Variants in MTCH1 observed in about 807,000 individuals in gnomAD.
The protein encoded by MTCH1 is mitochondrial carrier 1.
Under a neutral mutation model 49.3 loss-of-function variants are expected in MTCH1, and 23 were observed. That is an observed-to-expected ratio of 0.47 (90% CI 0.34 to 0.66). The LOEUF is 0.66. Among genes scored for constraint, MTCH1 ranks in the 30% least tolerant of loss-of-function variants. The pLI, the probability that MTCH1 is intolerant of heterozygous loss-of-function variation, is 0.01. For synonymous variants in MTCH1, 229 were observed against 215.2 expected, an observed-to-expected ratio of 1.06 and a Z score of -0.56; for missense variants, 397 against 532.1, an observed-to-expected ratio of 0.75 and a Z score of 2.50.
At chr6:36,975,629 C>A in intron 7 of MTCH1, 29 bp downstream of exon 7, 2 of 1,610,466 alleles carry the variant, frequency 1.2e-6, no homozygotes, top group Non-Finnish European at 1.7e-6. Flanking sequence ...ATGCCCGTGG[C>A]CAGTTATGGG....
In MTCH1 at chr6:36,968,921, T is replaced by C. The variant is rs11548576; in HGVS notation, c.1152A>G (p.Ser384=). 0.055 allele frequency: 88,063 copies of C among 1,613,902 alleles called. 3,290 individuals carry two copies. Among genetic ancestry groups the C allele is most frequent in the African/African-American group, 0.15 (11,075 of 74,966 alleles). ...SLLFRRVSSG[S]CFALE ...ATTCAGGTTACTCCAGGGCAAAGCA[T>C]GATCCTGATGACACCCGGCGGAAAA... is the stretch of plus-strand genomic sequence containing the variant. Residue 384 remains serine, a synonymous_variant, in exon 12 of 12, where the codon TCA becomes TCG. Transcript: ENST00000373627.
chr6:36,976,632 C>T, intron 6 of MTCH1: 1 of 469,130 alleles, frequency 2.1e-6, no homozygotes, highest in Non-Finnish European at 4.4e-6. Context: ...AAATGAGAAT[C>T]TTAAGAGAGG....
Position 36,981,637 on chromosome 6 carries a change from G to A in MTCH1, c.357C>T (p.Thr119=). Residue 119 remains threonine (T), a synonymous_variant, in exon 2 of 12, where the codon ACC becomes ACT. Transcript: ENST00000373627. ...GHEPMPPTLG[T]NVLGRKVLYL... ...AGAGGACCTTCCTCCCCAGCACATT[G>A]GTCCCAAGGGTGGGGGGCATCGGCT... 6.2e-7 allele frequency: 1 copy of A among 1,613,808 alleles called. No individual in the cohort carries two copies. Among genetic ancestry groups the A allele is most frequent in the East Asian group, 2.2e-5 (1 of 44,838 alleles).
In MTCH1 at chr6:36,986,087, G is replaced by A. The variant is rs530592565; in HGVS notation, c.87C>T (p.Arg29=). ...MAGAGAGAGA[R]GGAAAGVEAR... ...CCTCGACCCCCGCCGCCGCTCCGCC[G>A]CGAGCTCCGGCTCCAGCTCCGGCTC... is the stretch of plus-strand genomic sequence containing the variant. Residue 29 remains arginine (R), a synonymous_variant, in exon 1 of 12, where the codon CGC becomes CGT. Transcript: ENST00000373627. The A allele has an allele frequency of 2.1e-6, 3 of 1,431,180 alleles. No individual in the cohort carries two copies. The highest frequency in any genetic ancestry group is 1.5e-5 in the African/African-American group (1 of 66,654). The allele number at this position is 1,431,180 out of a possible 1,614,324, so 88.7% of individuals were successfully genotyped here.
At chr6:36,976,923 G>T (rs1246974878) in intron 6 of MTCH1, among the ~76,000 whole-genome samples, 1 of 152,198 alleles carries the variant, frequency 6.6e-6, no homozygotes, top group Admixed American at 6.5e-5. Context: ...CAGCTCTGGG[G>T]CCAGAAATCC....
Position 36,985,944 on chromosome 6 carries a change from T to C in MTCH1, c.230A>G (p.Asn77Ser). 1.9e-6 allele frequency: 3 copies of C among 1,551,714 alleles called. No individual in the cohort carries two copies. Among genetic ancestry groups the C allele is most frequent in the East Asian group, 2.4e-5 (1 of 41,156 alleles). The change falls in exon 1 of 12, where the codon AAC becomes AGC. Residue 77 changes from asparagine (N) to serine (S), a missense_variant. Asn to Ser is a conservative substitution (Grantham distance 46, BLOSUM62 1). This residue lies in a region of MTCH1 where 145 missense variants were observed against 143.8 expected (regional missense o/e 1.01). Transcript: ENST00000373627. ...GAAAAGAGCCTCAGTGGTCGGGGCGTTGTCCCCAGACCCCAGGCCCCCTGA... is the reference window on the plus strand; with the variant it reads ...GAAAAGAGCCTCAGTGGTCGGGGCGCTGTCCCCAGACCCCAGGCCCCCTGA... ...GGSGGLGSGD[N>S]APTTEALFVA...
intron 6 of MTCH1, chr6:36,976,382 T>C (rs1763879896): frequency 5.5e-6 from 2 of 365,766 alleles, no homozygotes; most frequent in South Asian, 2.1e-5. Flanking sequence ...AGGGAGCCAG[T>C]GGAAGGCAAA....
At chr6:36,978,040 C>A (rs1763954080) in intron 4 of MTCH1, 38 bp downstream of exon 4, 2 of 1,553,118 alleles carry the variant, frequency 1.3e-6, no homozygotes, top group Non-Finnish European at 1.8e-6. Flanking sequence ...TCAGGCTCCC[C>A]TCCACGCACC....
At position 36,972,839 on chromosome 6, in the gene MTCH1, A is replaced by T; in HGVS notation, c.762-43T>A. On this transcript the variant is annotated intron_variant, in intron 7 of 11. Coordinates refer to ENST00000373627, the MANE Select transcript of MTCH1 (RefSeq NM_001271641.2). The surrounding 1 kb of genome is among the most constrained non-coding windows in gnomAD (Gnocchi z 4.1). ...CAGAGATGAGCAGGAGAGGGAGAGG[A>T]GCAGTTCCTGGGGGCTCCACACCCA... 2 of 1,521,016 alleles carry T rather than the reference A, an allele frequency of 1.3e-6. No individual in the cohort carries two copies. The highest frequency in any genetic ancestry group is 5.0e-5 in the East Asian group (2 of 40,214). 94.2% of individuals were successfully genotyped at this position (1,521,016 alleles called of 1,614,324 possible).
chr6:36,985,940 G>A lies in MTCH1; in HGVS notation c.234C>T (p.Ala78=), dbSNP rs775912363. 136 of 1,552,128 alleles carry A rather than the reference G, an allele frequency of 8.8e-5. 1 individual carries two copies. Among genetic ancestry groups the A allele is most frequent in the Middle Eastern group, 3.3e-4 (2 of 5,988 alleles). The change falls in exon 1 of 12, where the codon GCC becomes GCT. Residue 78 remains alanine (A), a synonymous_variant. Transcript: ENST00000373627. Reference sequence around the variant, plus strand: ...CCACGAAAAGAGCCTCAGTGGTCGGGGCGTTGTCCCCAGACCCCAGGCCCC... The same window carrying A: ...CCACGAAAAGAGCCTCAGTGGTCGGAGCGTTGTCCCCAGACCCCAGGCCCC... ...GSGGLGSGDN[A]PTTEALFVAL...
Position 36,976,052 on chromosome 6 carries a change from C to A in MTCH1, c.702-335G>T, listed in dbSNP as rs184925286. 8.5e-5 allele frequency among the ~76,000 whole-genome samples: 13 copies of A among 152,288 alleles called. No homozygotes were observed. In the East Asian group the frequency reaches 2.3e-3, roughly 27 times the overall value. ...GCAGAGGCGGCAGGCCCTTCTCTTA[C>A]CCGGCCCTCACACTTATCTCTGGTT... On this transcript the variant is annotated intron_variant, in intron 6 of 11. Transcript: ENST00000373627.
rs1263122398 is a variant in MTCH1 at position 36,970,480 on chromosome 6, C to T, written c.955-7G>A. ...TCAGCATGCTCACTGCAATCTGAAACCCAGAGAGGCCTGAGTGCCAGTGAC... is the reference window on the plus strand; with the variant it reads ...TCAGCATGCTCACTGCAATCTGAAATCCAGAGAGGCCTGAGTGCCAGTGAC... On this transcript the variant is annotated splice_region_variant and splice_polypyrimidine_tract_variant and intron_variant, in intron 9 of 11. Transcript: ENST00000373627. 1 of 1,614,018 alleles carries T rather than the reference C, an allele frequency of 6.2e-7. No individual in the cohort carries two copies. Among genetic ancestry groups the T allele is most frequent in the Non-Finnish European group, 8.5e-7 (1 of 1,180,018 alleles).
At chr6:36,984,439 T>A (rs1332317898) in intron 1 of MTCH1, among the ~76,000 whole-genome samples, 2 of 152,148 alleles carry the variant, frequency 1.3e-5, no homozygotes, top group African/African-American at 4.8e-5. Context: ...ACAAATCTAT[T>A]ACCATTCCTC....
rs985554021 is a variant in MTCH1 at position 36,969,545 on chromosome 6, T to C, written c.1098+494A>G. On this transcript the variant is annotated intron_variant, in intron 11 of 11. Coordinates refer to ENST00000373627, the MANE Select transcript of MTCH1 (RefSeq NM_001271641.2). ...GGTACAGAACACGAGAACCCAAGGT[T>C]GGTACTGCTGCCAGTTCCCCACGTG... 2.1e-5 allele frequency: 24 copies of C among 1,144,890 alleles called. No homozygotes were observed. The African/African-American group carries it at 3.6e-4, about 17-fold the overall frequency. The allele number at this position is 1,144,890 out of a possible 1,614,324, so 70.9% of individuals were successfully genotyped here. A position where few individuals can be genotyped will look rare whatever the true frequency, so the allele number is the denominator to read the frequency against.
Position 36,977,327 on chromosome 6 carries a change from G to T in MTCH1, c.650-77C>A. ...TAATGCTCCAGCCACCGGGTGCCAG[G>T]TGCAGAGTGGCCACTGAACAACGTG... On this transcript the variant is annotated intron_variant, in intron 5 of 11. Coordinates refer to ENST00000373627, the MANE Select transcript of MTCH1 (RefSeq NM_001271641.2). This position sits in a 1 kb window ranked among gnomAD's most constrained non-coding sequence, Gnocchi z 5.4. 1 of 1,504,204 alleles carries T rather than the reference G, an allele frequency of 6.6e-7. No individual in the cohort carries two copies. Among genetic ancestry groups the T allele is most frequent in the Non-Finnish European group, 9.2e-7 (1 of 1,086,216 alleles). 93.2% of individuals were successfully genotyped at this position (1,504,204 alleles called of 1,614,324 possible). A position where few individuals can be genotyped will look rare whatever the true frequency, so the allele number is the denominator to read the frequency against.
Position 36,986,081 on chromosome 6 carries a change from T to C in MTCH1, c.93A>G (p.Gly31=). The C allele has an allele frequency of 2.1e-6, 3 of 1,431,318 alleles. No individual in the cohort carries two copies. The highest frequency in any genetic ancestry group is 1.8e-6 in the Non-Finnish European group (2 of 1,104,028). 88.7% of individuals were successfully genotyped at this position (1,431,318 alleles called of 1,614,324 possible). The change falls in exon 1 of 12, where the codon GGA becomes GGG. Residue 31 remains glycine, a synonymous_variant. Coordinates refer to ENST00000373627, the MANE Select transcript of MTCH1 (RefSeq NM_001271641.2). The part of the protein sequence containing the change: ...GAGAGAGARG[G]AAAGVEARAR... ...CTCGAGCCTCGACCCCCGCCGCCGC[T>C]CCGCCGCGAGCTCCGGCTCCAGCTC... is the stretch of plus-strand genomic sequence containing the variant.
intron 9 of MTCH1, 37 bp downstream of exon 9, chr6:36,970,610 A>T: frequency 6.2e-7 from 1 of 1,613,832 alleles, no homozygotes; most frequent in Admixed American, 1.7e-5. Flanking sequence ...TTGGGTCCGC[A>T]AGGCAGTGGG....
At chr6:36,976,078 AAAC>A (rs1393267948) in intron 6 of MTCH1, among the ~76,000 whole-genome samples, 1 of 152,170 alleles carries the variant, frequency 6.6e-6, no homozygotes, top group African/African-American at 2.4e-5. Flanking sequence ...ATCTCTGGTT[AAAC>A]AACCCTCTAG....
chr6:36,981,724 C>CCTCACCACCTCTCCT (rs1357810271), intron 1 of MTCH1, 52 bp from the exon 2 acceptor site: 21 of 1,456,034 alleles, frequency 1.4e-5, no homozygotes, highest in Non-Finnish European at 1.8e-5. Flanking sequence ...GGTGATTCAG[C>CCTCACCACCTCTCCT]CTCACCACCT....
Sources: allele counts gnomAD v4.1 joint callset (sites outside exome capture counted in the v4.1 genomes callset), GRCh38; gene constraint gnomAD v4.1.1; regional missense constraint gnomAD v4.1.1; non-coding constraint Gnocchi (gnomAD v3.1); transcripts MANE v1.5; gene names NCBI Gene and HGNC (gene_info 2026-07-23, HGNC 2026-07-21).